Variants in GRID2 observed in about 807,000 individuals in gnomAD.
The protein encoded by GRID2 is glutamate ionotropic receptor delta type subunit 2.
GRID2 carries 33 observed loss-of-function variants against 114.8 expected under a neutral mutation model. The ratio of observed to expected loss-of-function variants is 0.29; its 90% confidence interval spans 0.22 to 0.38. GRID2 has a LOEUF of 0.38. Among genes scored for constraint, GRID2 ranks in the 10% least tolerant of loss-of-function variants. The pLI is 1.00. For synonymous variants in GRID2, 505 were observed against 449.9 expected, an observed-to-expected ratio of 1.12 and a Z score of -1.55; for missense variants, 1,184 against 1,257.7, an observed-to-expected ratio of 0.94 and a Z score of 0.89.
intron 2 of GRID2, among the ~76,000 whole-genome samples, chr4:92,783,745 G>A (rs1181953480): frequency 6.6e-6 from 1 of 151,890 alleles, no homozygotes; most frequent in African/African-American, 2.4e-5. Flanking sequence ...AATTAGCCGA[G>A]TGCCGTACTG....
At chr4:92,873,723 T>G (rs546257210) in intron 2 of GRID2, among the ~76,000 whole-genome samples, 1 of 152,214 alleles carries the variant, frequency 6.6e-6, no homozygotes, top group East Asian at 1.9e-4. Flanking sequence ...GTTTGTTTTG[T>G]TTTGTTTTGA....
chr4:93,544,299 A>T (rs1332334765), intron 13 of GRID2, among the ~76,000 whole-genome samples: 1 of 134,176 alleles, frequency 7.5e-6, no homozygotes, highest in Non-Finnish European at 1.6e-5. Context: ...AGCATTTAAA[A>T]TAAGCAAGTA....
chr4:92,758,283 G>C (rs781132011), intron 2 of GRID2, among the ~76,000 whole-genome samples: 1 of 152,064 alleles, frequency 6.6e-6, no homozygotes, highest in South Asian at 2.1e-4. Context: ...CTCAAGGAAT[G>C]AAAATGAATA....
At chr4:92,971,908 T>C (rs774666240) in intron 2 of GRID2, among the ~76,000 whole-genome samples, 4 of 152,174 alleles carry the variant, frequency 2.6e-5, no homozygotes, top group Non-Finnish European at 5.9e-5. Flanking sequence ...ATTGTGTATA[T>C]GTACCACATT....
intron 8 of GRID2, among the ~76,000 whole-genome samples, chr4:93,349,931 G>T (rs963377184): frequency 2.0e-5 from 3 of 152,044 alleles, no homozygotes; most frequent in African/African-American, 7.2e-5. Flanking sequence ...GGTATAAAAT[G>T]ATTTATGTTT....
intron 9 of GRID2, among the ~76,000 whole-genome samples, chr4:93,420,039 G>T (rs1275070843): frequency 6.6e-6 from 1 of 151,876 alleles, no homozygotes; most frequent in Non-Finnish European, 1.5e-5. Flanking sequence ...AAACATAGCC[G>T]ATTTTTTTTG....
intron 2 of GRID2, among the ~76,000 whole-genome samples, chr4:92,815,014 G>T (rs961297321): frequency 5.9e-5 from 9 of 152,102 alleles, no homozygotes; most frequent in Non-Finnish European, 1.3e-4. Flanking sequence ...GCAGTGGGGG[G>T]TGGATTTGGA....
intron 1 of GRID2, among the ~76,000 whole-genome samples, chr4:92,465,878 T>A (rs1721727384): frequency 6.6e-6 from 1 of 152,046 alleles, no homozygotes; most frequent in South Asian, 2.1e-4. Context: ...CAAACAAAAT[T>A]GTAAATTTCA....
At chr4:93,555,100 T>C (rs1734177472) in intron 13 of GRID2, among the ~76,000 whole-genome samples, 1 of 152,060 alleles carries the variant, frequency 6.6e-6, no homozygotes, top group Non-Finnish European at 1.5e-5. Context: ...TTTCCCACGG[T>C]CTTCGCAACC....
chr4:93,326,641 G>A (rs1311196742), intron 8 of GRID2, among the ~76,000 whole-genome samples: 1 of 151,162 alleles, frequency 6.6e-6, no homozygotes, highest in Non-Finnish European at 1.5e-5. Flanking sequence ...AGGGAGACAG[G>A]CATGTGTACC....
At chr4:93,066,384 T>A (rs1365502549) in intron 2 of GRID2, among the ~76,000 whole-genome samples, 1 of 151,948 alleles carries the variant, frequency 6.6e-6, no homozygotes, top group Non-Finnish European at 1.5e-5. Context: ...TGGATAAAGA[T>A]TTGCCTGGAC....
At chr4:93,009,956 C>T (rs1560791871) in intron 2 of GRID2, among the ~76,000 whole-genome samples, 1 of 151,918 alleles carries the variant, frequency 6.6e-6, no homozygotes, top group Non-Finnish European at 1.5e-5. Flanking sequence ...ATTATTTTGG[C>T]CTCTTTCTGT....
intron 1 of GRID2, among the ~76,000 whole-genome samples, chr4:92,541,604 A>G (rs184739596): frequency 6.6e-6 from 1 of 152,220 alleles, no homozygotes; most frequent in African/African-American, 2.4e-5. Context: ...ATGGGGATAC[A>G]TGATTTGGTA....
chr4:92,927,319 G>C (rs1184725297), intron 2 of GRID2, among the ~76,000 whole-genome samples: 1 of 151,812 alleles, frequency 6.6e-6, no homozygotes, highest in East Asian at 1.9e-4. Context: ...TGCTATAATA[G>C]CTTACAGGTT....
At chr4:92,856,215 C>A (rs1285904655) in intron 2 of GRID2, among the ~76,000 whole-genome samples, 1 of 151,856 alleles carries the variant, frequency 6.6e-6, no homozygotes, top group Non-Finnish European at 1.5e-5. Context: ...CTTTTTTCAC[C>A]AACAATTTAC....
chr4:93,231,011 A>G (rs933434863), intron 7 of GRID2, among the ~76,000 whole-genome samples: 2 of 152,080 alleles, frequency 1.3e-5, no homozygotes, highest in Non-Finnish European at 2.9e-5. Flanking sequence ...AATATAATCA[A>G]TAAATTTGAG....
At chr4:92,341,890 G>C (rs1488227541) in intron 1 of GRID2, among the ~76,000 whole-genome samples, 1 of 150,750 alleles carries the variant, frequency 6.6e-6, no homozygotes, top group Admixed American at 6.6e-5. Context: ...ACTCCAGCCT[G>C]GGCGACAGCG....
chr4:93,087,291 C>G (rs1215947116), intron 3 of GRID2, among the ~76,000 whole-genome samples: 1 of 151,936 alleles, frequency 6.6e-6, no homozygotes, highest in Non-Finnish European at 1.5e-5. Context: ...CCACCCACCT[C>G]GGCCTCCCAA....
At chr4:92,669,894 C>A (rs1010253682) in intron 2 of GRID2, among the ~76,000 whole-genome samples, 8 of 151,976 alleles carry the variant, frequency 5.3e-5, no homozygotes, top group African/African-American at 1.9e-4. Flanking sequence ...ATCATGATTT[C>A]TTGCATTCTA....
Sources: gnomAD v4.1 joint callset for allele counts (sites outside exome capture counted in the v4.1 genomes callset) on GRCh38, gnomAD v4.1.1 for gene constraint, MANE v1.5 for transcripts, NCBI Gene and HGNC (gene_info 2026-07-23, HGNC 2026-07-21) for gene names.